Variants in KAZN observed in about 807,000 individuals in gnomAD.
KAZN encodes the protein kazrin, periplakin interacting protein, also known as kazrin.
In KAZN, 40 loss-of-function variants were observed where a neutral mutation model predicts 87.4. The ratio of observed to expected loss-of-function variants is 0.46; its 90% CI spans 0.36 to 0.60. KAZN has a LOEUF of 0.60. Ranked by LOEUF, KAZN falls within the 20% of genes least tolerant of loss-of-function variation. The pLI is 0.00. For synonymous variants in KAZN, 466 were observed against 458.3 expected (o/e 1.02, Z -0.22); for missense variants, 898 against 1,073.9 (o/e 0.84, Z 2.29).
chr1:15,110,528 T>A, intron 13 of KAZN, among the ~76,000 whole-genome samples: 1 of 140,736 alleles, frequency 7.1e-6, no homozygotes, highest in South Asian at 2.4e-4. Flanking sequence ...TGTGTATGTG[T>A]TTGTGTGTGT....
At chr1:14,413,498 G>A (rs1282243507) in intron 2 of KAZN, among the ~76,000 whole-genome samples, 1 of 148,488 alleles carries the variant, frequency 6.7e-6, no homozygotes, top group East Asian at 2.1e-4. Context: ...GCTGAGGCAG[G>A]AGAATGGCGT....
chr1:14,847,850 G>A (rs911031043), intron 1 of KAZN, among the ~76,000 whole-genome samples: 1 of 152,096 alleles, frequency 6.6e-6, no homozygotes, highest in Non-Finnish European at 1.5e-5. Flanking sequence ...AGGCGTGATG[G>A]CCACCTACAG....
intron 1 of KAZN, among the ~76,000 whole-genome samples, chr1:14,782,554 C>CAAAAAAAAAAAAAAAAAAAAAAAA (rs71572122): frequency 4.5e-5 from 3 of 66,252 alleles, no homozygotes; most frequent in African/African-American, 5.8e-5. Flanking sequence ...CCTCAAAGAG[C>CAAAAAAAAAAAAAAAAAAAAAAAA]AAAAAAAAAA....
intron 1 of KAZN, among the ~76,000 whole-genome samples, chr1:13,905,107 G>T (rs1639389605): frequency 6.6e-6 from 1 of 151,808 alleles, no homozygotes; most frequent in Non-Finnish European, 1.5e-5. Flanking sequence ...AAATCTCCCA[G>T]GTATTATTTT....
At chr1:14,933,022 T>A (rs1660026207) in intron 1 of KAZN, among the ~76,000 whole-genome samples, 1 of 152,142 alleles carries the variant, frequency 6.6e-6, no homozygotes, top group Non-Finnish European at 1.5e-5. Context: ...AGTTTCTGTC[T>A]GTATGTGTTG....
rs541835453 is a variant in KAZN, at chr1:14,270,478, G to A, written c.249+89886G>A. On this transcript the variant is annotated intron_variant, in intron 2 of 16. Transcript: ENST00000636203. ...TAGTTTCACCCATTACATGCATTAA[G>A]TATGAATGATAACAGAATCTACTGC... Among the ~76,000 whole-genome samples, 4 of 152,314 alleles carry A rather than the reference G, an allele frequency of 2.6e-5. No homozygotes were observed. The East Asian group carries it at 7.7e-4, about 29-fold the overall frequency.
At chr1:14,869,549 T>C (rs1651912900) in intron 1 of KAZN, among the ~76,000 whole-genome samples, 1 of 152,192 alleles carries the variant, frequency 6.6e-6, no homozygotes, top group African/African-American at 2.4e-5. Context: ...AACAGGACAG[T>C]AGGGCTGGCA....
intron 1 of KAZN, among the ~76,000 whole-genome samples, chr1:14,748,368 C>T (rs1644317554): frequency 6.6e-6 from 1 of 152,208 alleles, no homozygotes; most frequent in African/African-American, 2.4e-5. Context: ...GAGTGGGCAT[C>T]ATCGCATGGC....
At chr1:14,832,645 A>G (rs1647082658) in intron 1 of KAZN, among the ~76,000 whole-genome samples, 1 of 152,194 alleles carries the variant, frequency 6.6e-6, no homozygotes, top group Admixed American at 6.5e-5. Context: ...ATGCCCTAAA[A>G]AAGTTTACAA....
In KAZN at chr1:14,109,987, T is replaced by G. The variant is rs1644465656; in HGVS notation, c.92-70448T>G. 1.5e-5 allele frequency among the ~76,000 whole-genome samples: 2 copies of G among 134,950 alleles called. 1 individual carries two copies. The highest frequency in any genetic ancestry group is 5.7e-5 in the African/African-American group (2 of 34,792). 88.5% of individuals were successfully genotyped at this position (134,950 alleles called of 152,430 possible). On this transcript the variant is annotated intron_variant, in intron 1 of 16. Transcript: ENST00000636203. Reference sequence around the variant, plus strand: ...TGCCACCCAATTTTGTTCTCTTCAGTCCTGTTCTCAGCTGGATCCTGGTGT... The same window carrying G: ...TGCCACCCAATTTTGTTCTCTTCAGGCCTGTTCTCAGCTGGATCCTGGTGT...
chr1:15,044,649 A>G (rs1269639750), intron 4 of KAZN, among the ~76,000 whole-genome samples: 1 of 151,742 alleles, frequency 6.6e-6, no homozygotes, highest in Non-Finnish European at 1.5e-5. Flanking sequence ...GCTGAGGCAA[A>G]AGGATTGCCT....
intron 1 of KAZN, among the ~76,000 whole-genome samples, chr1:14,768,253 G>T (rs1260064335): frequency 6.6e-6 from 1 of 152,168 alleles, no homozygotes; most frequent in Admixed American, 6.5e-5. Context: ...TGAGACTATA[G>T]TTATTTGTTA....
intron 1 of KAZN, among the ~76,000 whole-genome samples, chr1:14,033,485 C>T (rs1411259564): frequency 6.6e-6 from 1 of 152,210 alleles, no homozygotes; most frequent in Non-Finnish European, 1.5e-5. Flanking sequence ...TCAGACATTG[C>T]CGTCTCCTGG....
At chr1:14,579,771 A>G (rs1238424903) in intron 2 of KAZN, among the ~76,000 whole-genome samples, 3 of 152,164 alleles carry the variant, frequency 2.0e-5, no homozygotes, top group Admixed American at 2.0e-4. Flanking sequence ...TTGCTGGGTA[A>G]GAAGCAGCAT....
intron 2 of KAZN, 68 bp downstream of exon 2, chr1:14,960,943 A>G (rs1663783965): frequency 6.8e-7 from 1 of 1,476,436 alleles, no homozygotes; most frequent in Non-Finnish European, 9.1e-7. Flanking sequence ...AGTCCTCCCC[A>G]TGCAGGGGAA....
chr1:14,270,726 AACTC>A (rs1397474062), intron 2 of KAZN, among the ~76,000 whole-genome samples: 4 of 152,324 alleles, frequency 2.6e-5, no homozygotes, highest in African/African-American at 7.2e-5. Flanking sequence ...TGAGCTTATT[AACTC>A]ACTCACTCTC....
chr1:13,981,089 T>TCTATATATATATATATA (rs1553181094), intron 1 of KAZN, among the ~76,000 whole-genome samples: 4 of 63,134 alleles, frequency 6.3e-5, no homozygotes, highest in Admixed American at 1.6e-4. Context: ...AAATTACTCT[T>TCTATATATATATATATA]TATATATATA....
chr1:14,791,856 C>T (rs1645685025), intron 1 of KAZN, among the ~76,000 whole-genome samples: 1 of 152,228 alleles, frequency 6.6e-6, no homozygotes, highest in East Asian at 1.9e-4. Context: ...CGTTTGATCC[C>T]ATGGCAGCGG....
In KAZN at chr1:14,224,699, G is replaced by A. The variant is rs560438208; in HGVS notation, c.249+44107G>A. 2.0e-5 allele frequency among the ~76,000 whole-genome samples: 3 copies of A among 152,248 alleles called. No individual in the cohort carries two copies. In the South Asian group the frequency reaches 6.2e-4, roughly 32 times the overall value. On this transcript the variant is annotated intron_variant, in intron 2 of 16. Coordinates refer to the KAZN transcript ENST00000636203. ...ATGCCTCAAGAATCTCAGACAGCCAGGGTAATCAGAAAGATGTTAACAAAA... is the reference window on the plus strand; with the variant it reads ...ATGCCTCAAGAATCTCAGACAGCCAAGGTAATCAGAAAGATGTTAACAAAA...
Sources: gnomAD v4.1 joint callset for allele counts (sites outside exome capture counted in the v4.1 genomes callset) on GRCh38, gnomAD v4.1.1 for gene constraint, MANE v1.5 for transcripts, NCBI Gene and HGNC (gene_info 2026-07-23, HGNC 2026-07-21) for gene names.